The following TMTC3 variants were observed in gnomAD, a reference collection of about 807,000 sequenced individuals.
The protein encoded by TMTC3 is protein O-mannosyl-transferase TMTC3.
In TMTC3, 52 loss-of-function variants were observed where a neutral mutation model predicts 92.2. The observed-to-expected ratio is 0.56, with a 90% CI of 0.45 to 0.71. TMTC3 has a LOEUF of 0.71. Among genes scored for constraint, TMTC3 ranks in the 30% least tolerant of loss-of-function variants. The pLI is 0.00. For synonymous variants in TMTC3, 339 were observed against 363.3 expected, an observed-to-expected ratio of 0.93 and a Z score of 0.76; for missense variants, 896 against 1,057.1, an observed-to-expected ratio of 0.85 and a Z score of 2.11.
Position 88,195,152 on chromosome 12 carries a change from A to G in TMTC3, c.2248A>G (p.Lys750Glu). The G allele has an allele frequency of 6.2e-7, 1 of 1,613,906 alleles. No individual in the cohort carries two copies. The highest frequency in any genetic ancestry group is 1.1e-5 in the South Asian group (1 of 91,076). The change falls in exon 14 of 14, where the codon AAG becomes GAG. Residue 750 changes from lysine (K) to glutamate (E), a missense_variant. Physicochemically the swap from Lys to Glu is moderately conservative, Grantham distance 56. Coordinates refer to ENST00000266712, the MANE Select transcript of TMTC3 (RefSeq NM_181783.4). ...ILKGDILMNQ[K>E]KDILGAKKCF... is the part of the protein sequence containing the mutation. ...AAAAGGAGACATTCTGATGAATCAAAAGAAAGATATACTAGGAGCAAAAAA... is the reference window on the plus strand; with the variant it reads ...AAAAGGAGACATTCTGATGAATCAAGAGAAAGATATACTAGGAGCAAAAAA...
chr12:88,175,740 C>T (rs2041252568), intron 9 of TMTC3, among the ~76,000 whole-genome samples: 1 of 152,194 alleles, frequency 6.6e-6, no homozygotes, highest in Non-Finnish European at 1.5e-5. Context: ...TGCAAGAACA[C>T]TACGGCAATC....
chr12:88,194,846 A>G lies in TMTC3; in HGVS notation c.1942A>G (p.Lys648Glu). The G allele has an allele frequency of 6.4e-7, 1 of 1,571,884 alleles. No individual in the cohort carries two copies. Among genetic ancestry groups the G allele is most frequent in the East Asian group, 2.3e-5 (1 of 44,380 alleles). Reference protein sequence around the residue: ...AIVMQESGEVKLRPEARKRLL... With the variant: ...AIVMQESGEVELRPEARKRLL... Reference sequence around the variant, plus strand: ...TTAAAAAAACTTTCTAGGTGAGGTTAAACTCAGACCTGAAGCTAGAAAACG... The same window carrying G: ...TTAAAAAAACTTTCTAGGTGAGGTTGAACTCAGACCTGAAGCTAGAAAACG... The change falls in exon 14 of 14, where the codon AAA becomes GAA. Residue 648 changes from lysine (K) to glutamate (E), a missense_variant. Physicochemically the swap from Lys to Glu is moderately conservative, Grantham distance 56. Transcript: ENST00000266712.
chr12:88,143,425 T>C (rs946819925), intron 1 of TMTC3, among the ~76,000 whole-genome samples: 9 of 152,150 alleles, frequency 5.9e-5, no homozygotes, highest in African/African-American at 1.4e-4. Context: ...TACAATCCAG[T>C]GAAATAGGTG....
At chr12:88,186,067 A>G (rs2041374564) in intron 10 of TMTC3, among the ~76,000 whole-genome samples, 1 of 152,136 alleles carries the variant, frequency 6.6e-6, no homozygotes, top group African/African-American at 2.4e-5. Context: ...ACTCTACATA[A>G]TTGCCTAAGC....
At chr12:88,147,464 T>A (rs1473435721) in intron 1 of TMTC3, among the ~76,000 whole-genome samples, 1 of 152,176 alleles carries the variant, frequency 6.6e-6, no homozygotes, top group Non-Finnish European at 1.5e-5. Flanking sequence ...TTACAACATG[T>A]ATATATAGCT....
At chr12:88,177,313 G>A (rs2041270407) in intron 10 of TMTC3, among the ~76,000 whole-genome samples, 2 of 150,396 alleles carry the variant, frequency 1.3e-5, no homozygotes, top group Non-Finnish European at 2.9e-5. Flanking sequence ...GTGACAGAGT[G>A]ATATACTCTG....
chr12:88,161,398 G>A (rs2041077757), intron 6 of TMTC3, among the ~76,000 whole-genome samples: 1 of 151,862 alleles, frequency 6.6e-6, no homozygotes, highest in Non-Finnish European at 1.5e-5. Context: ...AGTGTTAGGT[G>A]GTGTATCTTT....
At chr12:88,159,010 C>G (rs1252417427) in intron 4 of TMTC3, among the ~76,000 whole-genome samples, 1 of 150,006 alleles carries the variant, frequency 6.7e-6, no homozygotes, top group African/African-American at 2.5e-5. Context: ...TGAGACCGTG[C>G]CATTGCACTG....
Position 88,144,427 on chromosome 12 carries a change from A to G in TMTC3, c.-29+1940A>G, listed in dbSNP as rs573982290. ...TCTTCTGTTTTTTTTTTCATTCGTTATAACTTATTTTTATGTATTCACTTA... is the reference window on the plus strand; with the variant it reads ...TCTTCTGTTTTTTTTTTCATTCGTTGTAACTTATTTTTATGTATTCACTTA... On this transcript the variant is annotated intron_variant, in intron 1 of 13. Transcript: ENST00000266712. Among the ~76,000 whole-genome samples the G allele has an allele frequency of 1.6e-3, 248 of 150,994 alleles. 1 individual carries two copies. The highest frequency in any genetic ancestry group is 5.4e-3 in the African/African-American group (224 of 41,128).
chr12:88,168,505 A>C (rs577144869), intron 7 of TMTC3, among the ~76,000 whole-genome samples: 3 of 152,316 alleles, frequency 2.0e-5, no homozygotes, highest in African/African-American at 7.2e-5. Flanking sequence ...CAGAGGTAGG[A>C]GGGAGCAATG....
Position 88,160,248 on chromosome 12 carries a change from A to G in TMTC3, c.624+19A>G. The G allele has an allele frequency of 1.4e-6, 2 of 1,388,486 alleles. No individual in the cohort carries two copies. The highest frequency in any genetic ancestry group is 1.9e-6 in the Non-Finnish European group (2 of 1,035,404). 86.0% of individuals were successfully genotyped at this position (1,388,486 alleles called of 1,614,324 possible). A position where few individuals can be genotyped will look rare whatever the true frequency, so the allele number is the denominator to read the frequency against. ...CCAGGGGGTAAGCCAAACTATAAATATATAAATTTTCTTATTGATATATTT... is the reference window on the plus strand; with the variant it reads ...CCAGGGGGTAAGCCAAACTATAAATGTATAAATTTTCTTATTGATATATTT... On this transcript the variant is annotated intron_variant, in intron 5 of 13. Transcript: ENST00000266712.
intron 7 of TMTC3, among the ~76,000 whole-genome samples, chr12:88,171,097 G>C (rs960296025): frequency 6.6e-6 from 1 of 152,088 alleles, no homozygotes; most frequent in African/African-American, 2.4e-5. Flanking sequence ...ACAGTAGTCT[G>C]CTATCTTGTC....
intron 10 of TMTC3, among the ~76,000 whole-genome samples, chr12:88,183,630 G>A (rs1482235353): frequency 6.6e-6 from 1 of 152,018 alleles, no homozygotes; most frequent in Non-Finnish European, 1.5e-5. Flanking sequence ...TGTAGTGCGG[G>A]ACCAAAGCAG....
At chr12:88,177,527 G>T (rs575556050) in intron 10 of TMTC3, among the ~76,000 whole-genome samples, 10 of 152,214 alleles carry the variant, frequency 6.6e-5, no homozygotes, top group African/African-American at 2.4e-4. Flanking sequence ...GAGGATGAGG[G>T]ATGGAGGAAA....
chr12:88,159,355 A>G (rs910677278), intron 4 of TMTC3, among the ~76,000 whole-genome samples: 2 of 152,200 alleles, frequency 1.3e-5, no homozygotes, highest in African/African-American at 4.8e-5. Flanking sequence ...TTAAGTGCCT[A>G]TTGTTAACCA....
chr12:88,175,911 A>G (rs1411539791), intron 9 of TMTC3, among the ~76,000 whole-genome samples: 2 of 152,234 alleles, frequency 1.3e-5, no homozygotes, highest in Non-Finnish European at 2.9e-5. Flanking sequence ...GCTCCTAAAA[A>G]TACAAATGGC....
intron 4 of TMTC3, among the ~76,000 whole-genome samples, chr12:88,159,221 A>G (rs2041046895): frequency 6.6e-6 from 1 of 152,146 alleles, no homozygotes; most frequent in Admixed American, 6.5e-5. Context: ...GAACTTTCAC[A>G]GTTCATTACT....
Position 88,198,321 on chromosome 12 carries a change from A to T in TMTC3, c.*2672A>T, listed in dbSNP as rs78376175. 0.033 allele frequency: 13,221 copies of T among 397,838 alleles called. 286 individuals are homozygous for T. Among genetic ancestry groups the T allele is most frequent in the Non-Finnish European group, 0.046 (10,286 of 225,630 alleles). The allele number at this position is 397,838 out of a possible 1,614,324, so 24.6% of individuals were successfully genotyped here. On this transcript the variant is annotated 3_prime_UTR_variant, in exon 14 of 14. Coordinates refer to ENST00000266712, the MANE Select transcript of TMTC3 (RefSeq NM_181783.4). ...GATCATATGGAAGTTTGGAAAAGAG[A>T]GCTTATCACAGGTTTGTATGCTGGT... is the stretch of plus-strand genomic sequence containing the variant.
At chr12:88,159,376 A>G (rs759359934) in intron 4 of TMTC3, among the ~76,000 whole-genome samples, 1 of 152,168 alleles carries the variant, frequency 6.6e-6, no homozygotes, top group African/African-American at 2.4e-5. Flanking sequence ...CTTTCATTTT[A>G]GTTTTTATAA....
Sources: gnomAD v4.1 joint callset for allele counts (sites outside exome capture counted in the v4.1 genomes callset) on GRCh38, gnomAD v4.1.1 for gene constraint, MANE v1.5 for transcripts, NCBI Gene and HGNC (gene_info 2026-07-23, HGNC 2026-07-21) for gene names.